The following ZNF221 variants were observed in gnomAD, a reference collection of about 807,000 sequenced individuals.
The protein encoded by ZNF221 is zinc finger protein 221.
A neutral mutation model predicts 12.6 loss-of-function variants in ZNF221; 10 were observed. The ratio of observed to expected loss-of-function variants is 0.79; its 90% confidence interval spans 0.49 to 1.34. The LOEUF (loss-of-function observed/expected upper bound fraction) is 1.34. Among genes scored for constraint, ZNF221 ranks in the 40% most tolerant of loss-of-function variants. The probability of loss-of-function intolerance (pLI) is 0.00; values close to 1 mark genes in which losing one functional copy is unlikely to be tolerated. For synonymous variants in ZNF221, 232 were observed against 244.0 expected, an observed-to-expected ratio of 0.95 and a Z score of 0.46; for missense variants, 661 against 721.4, an observed-to-expected ratio of 0.92 and a Z score of 0.96.
chr19:43,979,846 G>A, the ZNF221 span, among the ~76,000 whole-genome samples: 2 of 152,108 alleles, frequency 1.3e-5, no homozygotes, highest in Non-Finnish European at 2.9e-5. Flanking sequence ...TTCTCAAATT[G>A]GATTTCTCAT....
chr19:43,956,240 G>C (rs2147333097), intron 1 of ZNF221, among the ~76,000 whole-genome samples: 1 of 152,278 alleles, frequency 6.6e-6, no homozygotes, highest in Middle Eastern at 3.4e-3. Flanking sequence ...CAATCTTACT[G>C]GTTCCCATTT....
intron 2 of ZNF221, among the ~76,000 whole-genome samples, chr19:43,964,064 TA>T (rs1974895503): frequency 6.6e-6 from 1 of 152,046 alleles, no homozygotes. Flanking sequence ...GGATTGATAA[TA>T]AAAAATATTT....
Position 43,966,360 on chromosome 19 carries a change from A to G in ZNF221, c.858A>G (p.Glu286=). The G allele has an allele frequency of 6.2e-7, 1 of 1,614,136 alleles. No individual in the cohort carries two copies. The highest frequency in any genetic ancestry group is 8.5e-7 in the Non-Finnish European group (1 of 1,179,996). ...GAGAGAAACCTTATAATTGTGAGGA[A>G]TGTGGGAAAGCCTTCATTCATGATT... The part of the protein sequence containing the change: ...HTGEKPYNCE[E]CGKAFIHDSQ... Residue 286 remains glutamate, a synonymous_variant, in exon 5 of 5, where the codon GAA becomes GAG. Transcript: ENST00000587682.
chr19:43,967,338 TG>T lies in ZNF221; in HGVS notation c.1839del (p.Arg614GlufsTer52), dbSNP rs1974994792. 1.2e-6 allele frequency: 2 copies of T among 1,611,434 alleles called. No individual in the cohort carries two copies. Among genetic ancestry groups the T allele is most frequent in the South Asian group, 2.2e-5 (2 of 90,876 alleles). ...TASFTSVSLC[G>X]RKAI Reference sequence around the variant, plus strand: ...CTTCATTTACATCAGTAAGTCTATGTGGGAGAAAAGCCATATAAATGTGAGA... The same window carrying T: ...CTTCATTTACATCAGTAAGTCTATGTGGAGAAAAGCCATATAAATGTGAGA... On this transcript the variant is annotated frameshift_variant, in exon 5 of 5. Transcript: ENST00000587682. LOFTEE classifies it high-confidence loss of function.
At chr19:43,980,107 G>A in the ZNF221 span, among the ~76,000 whole-genome samples, 1 of 152,212 alleles carries the variant, frequency 6.6e-6, no homozygotes, top group African/African-American at 2.4e-5. Flanking sequence ...AAAAGATGAG[G>A]ACAAGGCATC....
the ZNF221 span, among the ~76,000 whole-genome samples, chr19:43,980,925 A>G: frequency 6.6e-6 from 1 of 152,216 alleles, no homozygotes; most frequent in Admixed American, 6.5e-5. Flanking sequence ...CAGAAAAGCC[A>G]AAAGTGATTA....
chr19:43,979,490 G>A, the ZNF221 span, among the ~76,000 whole-genome samples: 7 of 151,666 alleles, frequency 4.6e-5, no homozygotes. Context: ...TTGGCTTTGA[G>A]TAGGGATATT....
At chr19:43,981,364 G>C in the ZNF221 span, among the ~76,000 whole-genome samples, 551 of 152,094 alleles carry the variant, frequency 3.6e-3, 5 homozygotes, top group African/African-American at 0.013. Flanking sequence ...AAAAAATTAA[G>C]GCAACTTGAC....
intron 1 of ZNF221, among the ~76,000 whole-genome samples, chr19:43,958,598 T>G (rs367056): frequency 0.97 from 147,614 of 152,278 alleles, 71,710 homozygotes; most frequent in East Asian, 1. Context: ...CACAAAATTT[T>G]AAGATGTCCA....
chr19:43,965,362 T>A, intron 4 of ZNF221, 37 bp downstream of exon 4: 1 of 1,547,988 alleles, frequency 6.5e-7, no homozygotes, highest in East Asian at 2.2e-5. Flanking sequence ...TGTACATGAC[T>A]CTTCCATCTG....
At chr19:43,962,285 C>T (rs1348920417) in intron 1 of ZNF221, among the ~76,000 whole-genome samples, 11 of 152,288 alleles carry the variant, frequency 7.2e-5, no homozygotes, top group East Asian at 1.9e-4. Flanking sequence ...AGATCATTTT[C>T]GCCCCCCAAT....
At chr19:43,971,889 C>G (rs1975105049), downstream of ZNF221, among the ~76,000 whole-genome samples, 3 of 152,122 alleles carry the variant, frequency 2.0e-5, no homozygotes, top group Admixed American at 6.5e-5. Flanking sequence ...GACCTTAACT[C>G]AGCTCTGGAT....
intron 1 of ZNF221, among the ~76,000 whole-genome samples, chr19:43,954,346 A>G (rs1974721140): frequency 6.6e-6 from 1 of 152,162 alleles, no homozygotes; most frequent in Non-Finnish European, 1.5e-5. Context: ...CTCAATTCAT[A>G]ACTCATTTAT....
intron 1 of ZNF221, among the ~76,000 whole-genome samples, chr19:43,956,307 T>C (rs1376563174): frequency 1.3e-5 from 2 of 152,230 alleles, no homozygotes; most frequent in Non-Finnish European, 2.9e-5. Context: ...TGTTTTGTAA[T>C]GCTAGTCAGG....
At chr19:43,978,828 T>G in the ZNF221 span, among the ~76,000 whole-genome samples, 2 of 152,028 alleles carry the variant, frequency 1.3e-5, no homozygotes, top group Non-Finnish European at 2.9e-5. Flanking sequence ...TCAATCTCTG[T>G]GTTTGAAAAA....
At chr19:43,968,715 A>G (rs1002452831), downstream of ZNF221, among the ~76,000 whole-genome samples, 3 of 152,234 alleles carry the variant, frequency 2.0e-5, no homozygotes, top group Non-Finnish European at 2.9e-5. Context: ...TAGGCAATCA[A>G]TTCAACCCAC....
downstream of ZNF221, among the ~76,000 whole-genome samples, chr19:43,969,185 G>A (rs1975042974): frequency 6.6e-6 from 1 of 152,160 alleles, no homozygotes; most frequent in Non-Finnish European, 1.5e-5. Flanking sequence ...GGGAGCTCCT[G>A]TGGGGGAAGG....
rs1265882198 is a variant in ZNF221 at position 43,966,616 on chromosome 19, G to T, written c.1114G>T (p.Gly372Ter). ...EEKPYKCEQC[G>*]KGFICRRDFC... ...GAAGCCATACAAATGTGAGCAATGT[G>T]GAAAAGGCTTCATTTGTAGGCGAGA... is the stretch of plus-strand genomic sequence containing the variant. The change falls in exon 5 of 5, where the codon GGA (glycine) becomes TGA (stop). Residue 372 changes from glycine to a stop codon, truncating the protein, a stop_gained. Coordinates refer to ENST00000587682, the MANE Select transcript of ZNF221 (RefSeq NM_001297588.2). LOFTEE classifies it low-confidence loss of function (END_TRUNC). 1.2e-6 allele frequency: 2 copies of T among 1,614,122 alleles called. No individual in the cohort carries two copies. The highest frequency in any genetic ancestry group is 1.7e-5 in the Admixed American group (1 of 60,012).
At chr19:43,953,435 G>A (rs1273218687) in intron 1 of ZNF221, among the ~76,000 whole-genome samples, 1 of 152,096 alleles carries the variant, frequency 6.6e-6, no homozygotes, top group Non-Finnish European at 1.5e-5. Context: ...TCAGAATCCA[G>A]TCCTCTTGGT....
Sources: gnomAD v4.1 joint callset for allele counts (sites outside exome capture counted in the v4.1 genomes callset) on GRCh38, gnomAD v4.1.1 for gene constraint, MANE v1.5 for transcripts, NCBI Gene and HGNC (gene_info 2026-07-23, HGNC 2026-07-21) for gene names.